ELMO1: variants seen among roughly 807,000 people sequenced by gnomAD.
The protein encoded by ELMO1 is engulfment and cell motility 1.
ELMO1 carries 26 observed loss-of-function variants against 98.9 expected under a neutral mutation model. The observed-to-expected ratio is 0.26, with a 90% confidence interval of 0.19 to 0.36. The LOEUF (loss-of-function observed/expected upper bound fraction) is 0.36. Ranked by LOEUF, ELMO1 falls within the 10% of genes least tolerant of loss-of-function variation. The pLI is 1.00. For missense variants in ELMO1, 627 were observed against 935.2 expected (o/e 0.67, Z 4.30); for synonymous variants, 346 against 346.0 (o/e 1.00, Z 0.00).
At chr7:37,159,804 A>G (rs548474529) in intron 13 of ELMO1, among the ~76,000 whole-genome samples, 13 of 152,332 alleles carry the variant, frequency 8.5e-5, no homozygotes, top group Non-Finnish European at 1.6e-4. Context: ...CAACAACTAC[A>G]CCTGTAATGT....
chr7:37,341,206 C>T (rs1375617053), intron 2 of ELMO1, among the ~76,000 whole-genome samples: 1 of 152,224 alleles, frequency 6.6e-6, no homozygotes, highest in African/African-American at 2.4e-5. Context: ...CAGAGGGCCC[C>T]AGTGCATGCC....
intron 13 of ELMO1, among the ~76,000 whole-genome samples, chr7:37,168,882 G>T (rs187512058): frequency 2.0e-5 from 3 of 152,136 alleles, no homozygotes; most frequent in Non-Finnish European, 4.4e-5. Flanking sequence ...GTCACGCAGG[G>T]ACATTTAAGT....
At chr7:37,059,876 G>A (rs1796578830) in intron 15 of ELMO1, among the ~76,000 whole-genome samples, 1 of 152,200 alleles carries the variant, frequency 6.6e-6, no homozygotes, top group Admixed American at 6.5e-5. Context: ...TAAATGACTT[G>A]CCCAGGGGCA....
chr7:37,254,847 C>T (rs976572700), intron 6 of ELMO1, among the ~76,000 whole-genome samples: 2 of 152,134 alleles, frequency 1.3e-5, no homozygotes, highest in Admixed American at 6.5e-5. Flanking sequence ...ACATAAAGTA[C>T]ATTCAATATT....
At chr7:36,893,200 G>A (rs1584323991) in intron 17 of ELMO1, among the ~76,000 whole-genome samples, 1 of 152,182 alleles carries the variant, frequency 6.6e-6, no homozygotes, top group Non-Finnish European at 1.5e-5. Flanking sequence ...AGTGTCCTAC[G>A]TTTATACATC....
chr7:37,352,050 C>T (rs966485306), intron 1 of ELMO1, among the ~76,000 whole-genome samples: 1 of 152,216 alleles, frequency 6.6e-6, no homozygotes, highest in African/African-American at 2.4e-5. Flanking sequence ...TTGGAAAAAA[C>T]TGAATAGAAT....
intron 20 of ELMO1, among the ~76,000 whole-genome samples, chr7:36,863,795 C>G (rs181916371): frequency 1.2e-4 from 19 of 152,088 alleles, no homozygotes; most frequent in African/African-American, 4.1e-4. Flanking sequence ...GGTGATAGGT[C>G]ATAGGTCATT....
chr7:37,409,956 T>C lies in ELMO1; in HGVS notation c.-74+38719A>G, dbSNP rs997810923. Among the ~76,000 whole-genome samples the C allele has an allele frequency of 3.3e-5, 5 of 152,232 alleles. No homozygotes were observed. The East Asian group carries it at 9.6e-4, about 29-fold the overall frequency. On this transcript the variant is annotated intron_variant, in intron 1 of 21. Coordinates refer to ENST00000310758, the MANE Select transcript of ELMO1 (RefSeq NM_014800.11). The stretch of plus-strand genomic sequence containing the variant: ...GTAAATATTATCATTATAATCCCCA[T>C]TTTGCAAGCAGGAAAACTGAATCTT...
intron 13 of ELMO1, among the ~76,000 whole-genome samples, chr7:37,187,580 C>G (rs888905153): frequency 1.3e-5 from 2 of 152,094 alleles, no homozygotes; most frequent in African/African-American, 4.8e-5. Flanking sequence ...TTTTAGTGTA[C>G]AGCATTTAAT....
At chr7:37,058,357 T>C (rs1389862386) in intron 15 of ELMO1, among the ~76,000 whole-genome samples, 1 of 152,158 alleles carries the variant, frequency 6.6e-6, no homozygotes, top group Non-Finnish European at 1.5e-5. Context: ...GCTTATGATA[T>C]TTTCATTGTA....
intron 13 of ELMO1, among the ~76,000 whole-genome samples, chr7:37,165,614 G>T (rs909031441): frequency 2.6e-5 from 4 of 152,018 alleles, no homozygotes; most frequent in East Asian, 3.9e-4. Context: ...TTTGTCTTTG[G>T]TTCTGTTTAT....
At chr7:36,909,661 C>T (rs1180706188) in intron 16 of ELMO1, among the ~76,000 whole-genome samples, 2 of 152,206 alleles carry the variant, frequency 1.3e-5, no homozygotes, top group East Asian at 3.8e-4. Context: ...AACTGTAATG[C>T]TGAAAATGTT....
intron 4 of ELMO1, among the ~76,000 whole-genome samples, chr7:37,304,758 C>A (rs760464750): frequency 6.6e-6 from 1 of 152,024 alleles, no homozygotes; most frequent in African/African-American, 2.4e-5. Context: ...TCTTGGTTCA[C>A]GATTTCTGTG....
chr7:36,987,613 G>T (rs961323385), intron 16 of ELMO1, among the ~76,000 whole-genome samples: 1 of 152,190 alleles, frequency 6.6e-6, no homozygotes, highest in Non-Finnish European at 1.5e-5. Flanking sequence ...ACTGGGACCT[G>T]CTCTTTGTGT....
At position 36,894,968 on chromosome 7, in the gene ELMO1, G is replaced by C; in HGVS notation, c.1487C>G (p.Pro496Arg). Residue 496 changes from proline to arginine, a missense_variant, in exon 17 of 22, where the codon CCT becomes CGT. Physicochemically the swap from Pro to Arg is moderately radical, Grantham distance 103. Around this residue, in one of 3 missense-constraint regions of ELMO1, gnomAD observed 492 missense variants for 715.6 expected, o/e 0.69. Transcript: ENST00000310758. ...GCTCTTGAACTGGTCCAGGGAGCTA[G>C]GCTTGGTTGTAAGTGCTCTCATAAC... ...EQVMRALTTK[P>R]SSLDQFKSKL... is the part of the protein sequence containing the mutation. 6.2e-7 allele frequency: 1 copy of C among 1,614,088 alleles called. No homozygotes were observed. Among genetic ancestry groups the C allele is most frequent in the Non-Finnish European group, 8.5e-7 (1 of 1,180,008 alleles).
chr7:37,251,980 A>T (rs2130753944), intron 6 of ELMO1, among the ~76,000 whole-genome samples: 2 of 152,332 alleles, frequency 1.3e-5, no homozygotes, highest in Middle Eastern at 6.8e-3. Flanking sequence ...TCCTATTCAC[A>T]ATTGCTACAA....
rs545801876 is a variant in ELMO1 at position 37,121,519 on chromosome 7, G to A, written c.1191+11611C>T. 9.2e-5 allele frequency among the ~76,000 whole-genome samples: 14 copies of A among 152,286 alleles called. No individual in the cohort carries two copies. The South Asian group carries it at 2.9e-3, about 32-fold the overall frequency. Reference sequence around the variant, plus strand: ...CCAATTCGATCAGCTGGAAGAAAGGGTATCAGCGATGGAAGATCAAATGAA... The same window carrying A: ...CCAATTCGATCAGCTGGAAGAAAGGATATCAGCGATGGAAGATCAAATGAA... On this transcript the variant is annotated intron_variant, in intron 14 of 21. Coordinates refer to ENST00000310758, the MANE Select transcript of ELMO1 (RefSeq NM_014800.11).
intron 12 of ELMO1, among the ~76,000 whole-genome samples, chr7:37,212,211 C>T (rs1238312134): frequency 1.3e-5 from 2 of 152,028 alleles, no homozygotes; most frequent in Non-Finnish European, 2.9e-5. Flanking sequence ...ATGGTGGTTA[C>T]CAGGGACTAA....
At chr7:37,362,027 A>G (rs1221870780) in intron 1 of ELMO1, among the ~76,000 whole-genome samples, 2 of 152,192 alleles carry the variant, frequency 1.3e-5, no homozygotes, top group Non-Finnish European at 2.9e-5. Context: ...AGGGGGCACA[A>G]GGGAACTTTT....
Sources: gnomAD v4.1 joint callset for allele counts (sites outside exome capture counted in the v4.1 genomes callset) on GRCh38, gnomAD v4.1.1 for gene constraint, gnomAD v4.1.1 regional missense constraint, MANE v1.5 for transcripts, NCBI Gene and HGNC (gene_info 2026-07-23, HGNC 2026-07-21) for gene names.